Variants in SYNE1 observed in about 807,000 individuals in gnomAD.
SYNE1 encodes nesprin-1.
A neutral mutation model predicts 1,111.0 loss-of-function variants in SYNE1; 616 were observed. That is an observed-to-expected ratio of 0.55 (90% CI 0.52 to 0.59). The LOEUF is 0.59. Ranked by LOEUF, SYNE1 falls within the 20% of genes least tolerant of loss-of-function variation. The pLI, the probability that SYNE1 is intolerant of heterozygous loss-of-function variation, is 0.00. For missense variants in SYNE1, 10,006 were observed against 10,417.0 expected (o/e 0.96, Z 1.72); for synonymous variants, 3,855 against 3,825.8 (o/e 1.01, Z -0.28).
intron 105 of SYNE1, among the ~76,000 whole-genome samples, chr6:152,245,812 C>A (rs2086965137): frequency 6.6e-6 from 1 of 152,110 alleles, no homozygotes; most frequent in Admixed American, 6.6e-5. Context: ...CCCACAGATG[C>A]CCCTCCTTAT....
At chr6:152,438,496 A>G (rs1220196368) in intron 32 of SYNE1, among the ~76,000 whole-genome samples, 1 of 152,180 alleles carries the variant, frequency 6.6e-6, no homozygotes, top group Non-Finnish European at 1.5e-5. Flanking sequence ...CTTATCTCTA[A>G]CTTCTTAGAA....
rs4331993 is a variant in SYNE1 at position 152,472,437 on chromosome 6, T to A, written c.1351-24A>T. On this transcript the variant is annotated intron_variant, in intron 14 of 145. Transcript: ENST00000367255. The stretch of plus-strand genomic sequence containing the variant: ...TCCTAAGATACAGTTTAAAAAAAAA[T>A]AAAAAATGAAAAACATGTTTCACAG... 0.34 allele frequency: 523,270 copies of A among 1,557,906 alleles called. 65,543 individuals are homozygous for A. The highest frequency in any genetic ancestry group is 0.65 in the East Asian group (27,272 of 42,206).
At chr6:152,572,071 A>T (rs1361643940) in intron 3 of SYNE1, among the ~76,000 whole-genome samples, 1 of 152,192 alleles carries the variant, frequency 6.6e-6, no homozygotes, top group Non-Finnish European at 1.5e-5. Context: ...CTTTTGCCTG[A>T]AGCATTTGAA....
chr6:152,378,017 G>C (rs1278673677), intron 56 of SYNE1, among the ~76,000 whole-genome samples: 2 of 152,072 alleles, frequency 1.3e-5, no homozygotes, highest in Non-Finnish European at 2.9e-5. Flanking sequence ...TCGAGGCCAT[G>C]GTCATCTGAG....
At chr6:152,493,013 T>C (rs1321320924) in intron 11 of SYNE1, among the ~76,000 whole-genome samples, 1 of 152,154 alleles carries the variant, frequency 6.6e-6, no homozygotes, top group Non-Finnish European at 1.5e-5. Flanking sequence ...TGACTATTCC[T>C]GGGCTACAGC....
intron 10 of SYNE1, among the ~76,000 whole-genome samples, chr6:152,499,536 TA>T (rs2099017527): frequency 1.3e-5 from 2 of 151,936 alleles, no homozygotes; most frequent in Non-Finnish European, 2.9e-5. Flanking sequence ...AAAAATGAAT[TA>T]AGAGAGTAAG....
In SYNE1 at chr6:152,488,487, A is replaced by G; in HGVS notation, c.956T>C (p.Ile319Thr). The stretch of plus-strand genomic sequence containing the variant: ...TATCCAAACTTTCATTTCCTTAAAA[A>G]TTACTCTGTCTTCTCTCTGGAAATG... ...VQNFKREDRVIFKEMKVWIEQ... is the reference protein window; with the variant it reads ...VQNFKREDRVTFKEMKVWIEQ... Residue 319 changes from isoleucine (I) to threonine (T), a missense_variant, in exon 12 of 146, where the codon ATT (isoleucine) becomes ACT (threonine). Physicochemically the swap from Ile to Thr is moderately conservative, Grantham distance 89. Coordinates refer to ENST00000367255, the MANE Select transcript of SYNE1 (RefSeq NM_182961.4). 1.3e-6 allele frequency: 2 copies of G among 1,591,710 alleles called. No individual in the cohort carries two copies. Among genetic ancestry groups the G allele is most frequent in the East Asian group, 2.2e-5 (1 of 44,618 alleles).
intron 3 of SYNE1, among the ~76,000 whole-genome samples, chr6:152,618,564 C>T (rs1026931852): frequency 1.3e-5 from 2 of 152,078 alleles, no homozygotes; most frequent in African/African-American, 4.8e-5. Flanking sequence ...AGGTAAATAA[C>T]TTTTTTAATG....
At chr6:152,445,027 A>G (rs2098567052) in intron 29 of SYNE1, among the ~76,000 whole-genome samples, 1 of 152,004 alleles carries the variant, frequency 6.6e-6, no homozygotes, top group Non-Finnish European at 1.5e-5. Flanking sequence ...TTATCATTAA[A>G]TTTCATAATC....
At chr6:152,518,105 A>G (rs1223587671) in intron 6 of SYNE1, among the ~76,000 whole-genome samples, 2 of 151,646 alleles carry the variant, frequency 1.3e-5, no homozygotes, top group Non-Finnish European at 1.5e-5. Flanking sequence ...GAACATTTCA[A>G]AAATAGTTTT....
chr6:152,613,477 C>T (rs562558324), intron 3 of SYNE1, among the ~76,000 whole-genome samples: 80 of 152,278 alleles, frequency 5.3e-4, no homozygotes, highest in Admixed American at 1.1e-3. Context: ...GAACTACAAA[C>T]CACTGCTCAA....
chr6:152,573,253 A>G (rs1244349674), intron 3 of SYNE1, among the ~76,000 whole-genome samples: 1 of 151,732 alleles, frequency 6.6e-6, no homozygotes, highest in Admixed American at 6.6e-5. Context: ...ACATATGTAT[A>G]CATGTGCCAT....
At chr6:152,333,874 C>G (rs946025068) in intron 77 of SYNE1, 134 bp downstream of exon 77, 4 of 1,217,032 alleles carry the variant, frequency 3.3e-6, no homozygotes, top group Non-Finnish European at 4.8e-6. Flanking sequence ...CTCAACTAAT[C>G]CACCCGCCTC....
At chr6:152,138,659 C>T (rs982500967) in intron 140 of SYNE1, among the ~76,000 whole-genome samples, 1 of 152,106 alleles carries the variant, frequency 6.6e-6, no homozygotes, top group Non-Finnish European at 1.5e-5. Flanking sequence ...GCAGCACACA[C>T]TTCATTCCTT....
At chr6:152,513,383 T>A (rs2099095226) in intron 6 of SYNE1, among the ~76,000 whole-genome samples, 1 of 152,194 alleles carries the variant, frequency 6.6e-6, no homozygotes, top group Non-Finnish European at 1.5e-5. Flanking sequence ...TCTCACTCTG[T>A]TGCCTAGGAG....
chr6:152,224,910 T>C (rs1312278602), intron 116 of SYNE1, among the ~76,000 whole-genome samples: 1 of 147,452 alleles, frequency 6.8e-6, no homozygotes, highest in African/African-American at 2.5e-5. Context: ...TAAATATATA[T>C]ATATATGTAT....
chr6:152,214,096 G>T (rs1158091230), intron 122 of SYNE1, among the ~76,000 whole-genome samples: 2 of 151,382 alleles, frequency 1.3e-5, no homozygotes, highest in African/African-American at 4.9e-5. Context: ...AGCTACTTGG[G>T]ATGCTGAGAC....
In SYNE1 at chr6:152,325,192, C is replaced by T; in HGVS notation, c.15549G>A (p.Arg5183=). The T allele has an allele frequency of 6.2e-7, 1 of 1,614,146 alleles. No individual in the cohort carries two copies. The highest frequency in any genetic ancestry group is 8.5e-7 in the Non-Finnish European group (1 of 1,180,034). ...GNDASKATLS[R]SMTTVWQRWT... ...AGCGCTGCCAGACGGTGGTCATTGA[C>T]CTGCTCAGGGTGGCTTTGCTGGCAT... The change falls in exon 81 of 146, where the codon AGG becomes AGA. Residue 5183 remains arginine, a synonymous_variant. Transcript: ENST00000367255.
chr6:152,326,579 C>A lies in SYNE1; in HGVS notation c.15010G>T (p.Ala5004Ser), dbSNP rs1230145203. The A allele has an allele frequency of 2.5e-6, 4 of 1,614,190 alleles. No homozygotes were observed. The East Asian group carries it at 8.9e-5, about 36-fold the overall frequency. Reference protein sequence around the residue: ...QCQRYYQVFQAANDWLEDAQE... With the variant: ...QCQRYYQVFQSANDWLEDAQE... ...GCATCCTCAAGCCAGTCATTGGCTG[C>A]TTGAAATACCTGATAATACCTTTGA... The change falls in exon 79 of 146, where the codon GCA (alanine) becomes TCA (serine). Residue 5004 changes from alanine to serine, a missense_variant. Ala to Ser is a moderately conservative substitution (Grantham distance 99, BLOSUM62 1). Transcript: ENST00000367255.
Sources: allele counts gnomAD v4.1 joint callset (sites outside exome capture counted in the v4.1 genomes callset), GRCh38; gene constraint gnomAD v4.1.1; transcripts MANE v1.5; gene names NCBI Gene and HGNC (gene_info 2026-07-23, HGNC 2026-07-21).